The following SLC36A1 variants were observed in gnomAD, a reference collection of about 807,000 sequenced individuals.
SLC36A1 encodes proton-coupled amino acid transporter 1.
In SLC36A1, 30 loss-of-function variants were observed where a neutral mutation model predicts 47.5. The ratio of observed to expected loss-of-function variants is 0.63; its 90% CI spans 0.47 to 0.86. SLC36A1 has a LOEUF of 0.86. Ranked by LOEUF, SLC36A1 falls within the 40% of genes least tolerant of loss-of-function variation. The pLI, the probability that SLC36A1 is intolerant of heterozygous loss-of-function variation, is 0.00. For missense variants in SLC36A1, 517 were observed against 606.0 expected (o/e 0.85, Z 1.54); for synonymous variants, 255 against 249.7 (o/e 1.02, Z -0.20).
At chr5:151,546,214 G>A in the SLC36A1 span, 129 of 1,614,132 alleles carry the variant, frequency 8.0e-5, 1 homozygote, top group South Asian at 1.4e-3. Context: ...ATGCCATTGT[G>A]GGGAGCCTTG....
At chr5:151,393,352 A>T in the SLC36A1 span, among the ~76,000 whole-genome samples, 1 of 152,040 alleles carries the variant, frequency 6.6e-6, no homozygotes, top group African/African-American at 2.4e-5. Context: ...TTGACTCTTT[A>T]TCCAATTTGC....
the SLC36A1 span, among the ~76,000 whole-genome samples, chr5:151,381,626 T>C: frequency 6.6e-5 from 10 of 152,144 alleles, no homozygotes; most frequent in South Asian, 8.3e-4. Flanking sequence ...GTTCTTGCGA[T>C]ATTTTGTGGG....
chr5:151,472,097 G>A (rs1177027248), intron 7 of SLC36A1, among the ~76,000 whole-genome samples: 1 of 152,170 alleles, frequency 6.6e-6, no homozygotes, highest in Non-Finnish European at 1.5e-5. Context: ...GAACTAATAG[G>A]ATAGATGTAC....
chr5:151,372,088 A>T, the SLC36A1 span, among the ~76,000 whole-genome samples: 8 of 152,180 alleles, frequency 5.3e-5, no homozygotes, highest in Non-Finnish European at 5.9e-5. Flanking sequence ...TTCAACTCTA[A>T]AATCTTATGA....
chr5:151,517,289 C>A, the SLC36A1 span, among the ~76,000 whole-genome samples: 1 of 152,194 alleles, frequency 6.6e-6, no homozygotes, highest in Admixed American at 6.5e-5. Context: ...GGTAAGCAAT[C>A]CCCCCATCCC....
the SLC36A1 span, among the ~76,000 whole-genome samples, chr5:151,384,919 G>T: frequency 6.6e-6 from 1 of 151,822 alleles, no homozygotes; most frequent in African/African-American, 2.4e-5. Context: ...AAGTCAAAAA[G>T]ATGCAGAAAG....
the SLC36A1 span, among the ~76,000 whole-genome samples, chr5:151,518,365 A>ATTATTATTATT: frequency 7.2e-5 from 5 of 69,152 alleles, no homozygotes; most frequent in Admixed American, 3.2e-4. Context: ...TAATAATAAT[A>ATTATTATTATT]ATAATAATAA....
the SLC36A1 span, among the ~76,000 whole-genome samples, chr5:151,353,124 ATGAAAACATATGTGT>A: frequency 6.6e-6 from 1 of 152,254 alleles, no homozygotes. Flanking sequence ...GGAACCATGG[ATGAAAACATATGTGT>A]TGAAAACCAT....
the SLC36A1 span, chr5:151,521,461 T>G: frequency 6.2e-7 from 1 of 1,614,204 alleles, no homozygotes; most frequent in Non-Finnish European, 8.5e-7. Context: ...CACTGAATGC[T>G]CCATCTCCTT....
At chr5:151,507,786 C>CAGTAA in the SLC36A1 span, among the ~76,000 whole-genome samples, 1 of 152,096 alleles carries the variant, frequency 6.6e-6, no homozygotes, top group Non-Finnish European at 1.5e-5. Context: ...CACCTTCCAC[C>CAGTAA]AGTAAAGTAT....
the SLC36A1 span, among the ~76,000 whole-genome samples, chr5:151,420,491 C>T: frequency 6.6e-6 from 1 of 152,190 alleles, no homozygotes; most frequent in Non-Finnish European, 1.5e-5. Flanking sequence ...GCTGGTCTTC[C>T]TGCTAATGAT....
chr5:151,467,982 G>C, intron 7 of SLC36A1, 57 bp downstream of exon 7: 4 of 1,485,064 alleles, frequency 2.7e-6, no homozygotes, highest in Non-Finnish European at 3.7e-6. Flanking sequence ...AAAGCCAGGC[G>C]TGGTAGCTCA....
the SLC36A1 span, among the ~76,000 whole-genome samples, chr5:151,375,645 A>G: frequency 6.6e-6 from 1 of 152,020 alleles, no homozygotes; most frequent in African/African-American, 2.4e-5. Flanking sequence ...TCTCTAGATC[A>G]CTTTGGGCAG....
intron 1 of SLC36A1, among the ~76,000 whole-genome samples, chr5:151,439,363 G>A (rs981149056): frequency 2.6e-5 from 4 of 152,022 alleles, no homozygotes; most frequent in African/African-American, 9.7e-5. Flanking sequence ...AATAAGAAAT[G>A]TGTAAAACAG....
At chr5:151,511,925 C>T in the SLC36A1 span, 9 of 549,972 alleles carry the variant, frequency 1.6e-5, no homozygotes, top group Non-Finnish European at 2.9e-5. Context: ...CCTGAGGTCC[C>T]CATTCATATC....
chr5:151,545,574 A>C, the SLC36A1 span: 95 of 1,614,010 alleles, frequency 5.9e-5, no homozygotes, highest in Middle Eastern at 3.3e-4. Context: ...GTCTGGGTGC[A>C]AATAATACAG....
the SLC36A1 span, among the ~76,000 whole-genome samples, chr5:151,395,776 C>T: frequency 1.3e-5 from 2 of 152,228 alleles, no homozygotes; most frequent in South Asian, 2.1e-4. Flanking sequence ...ATAGGAAACA[C>T]TCAGTGAATA....
At chr5:151,549,226 C>A in the SLC36A1 span, 1 of 1,455,536 alleles carries the variant, frequency 6.9e-7, no homozygotes, top group South Asian at 1.2e-5. Context: ...CGAATTCATG[C>A]CTCTAGTGCT....
At chr5:151,379,400 C>G in the SLC36A1 span, among the ~76,000 whole-genome samples, 3 of 152,256 alleles carry the variant, frequency 2.0e-5, no homozygotes, top group Non-Finnish European at 4.4e-5. Context: ...ATGGCACGAT[C>G]TTGGCTCACT....
Sources: allele counts gnomAD v4.1 joint callset (sites outside exome capture counted in the v4.1 genomes callset), GRCh38; gene constraint gnomAD v4.1.1; transcripts MANE v1.5; gene names NCBI Gene and HGNC (gene_info 2026-07-23, HGNC 2026-07-21).